Variants in MMD observed in about 807,000 individuals in gnomAD.
MMD encodes monocyte to macrophage differentiation factor.
A neutral mutation model predicts 33.6 loss-of-function variants in MMD; 22 were observed. That is an observed-to-expected ratio of 0.66 (90% CI 0.47 to 0.94). The LOEUF (loss-of-function observed/expected upper bound fraction) is 0.94, where lower values mean the gene tolerates loss of function less well. Among genes scored for constraint, MMD ranks in the 40% least tolerant of loss-of-function variants. MMD has a pLI of 0.00. For synonymous variants in MMD, 97 were observed against 103.2 expected (o/e 0.94, Z 0.36); for missense variants, 242 against 309.8 (o/e 0.78, Z 1.64).
chr17:55,421,789 G>T lies in MMD; in HGVS notation c.-94C>A. 7.2e-7 allele frequency: 1 copy of T among 1,389,800 alleles called. No homozygotes were observed. Among genetic ancestry groups the T allele is most frequent in the Non-Finnish European group, 9.6e-7 (1 of 1,044,178 alleles). 86.1% of individuals were successfully genotyped at this position (1,389,800 alleles called of 1,614,324 possible). The stretch of plus-strand genomic sequence containing the variant: ...CTCATGGGCTTGGGCTGCTCCGGAG[G>T]CCGCCTGCGTGTCCAGCGGAACCCT... On this transcript the variant is annotated 5_prime_UTR_variant, in exon 1 of 7. Transcript: ENST00000262065.
intron 6 of MMD, among the ~76,000 whole-genome samples, chr17:55,397,289 G>A (rs1299363485): frequency 4.6e-5 from 7 of 151,614 alleles, no homozygotes; most frequent in Non-Finnish European, 7.4e-5. Context: ...AGCCTCCCAA[G>A]TAGCTGGGAC....
intron 1 of MMD, among the ~76,000 whole-genome samples, chr17:55,417,420 A>G (rs2143161726): frequency 6.6e-6 from 1 of 152,136 alleles, no homozygotes; most frequent in East Asian, 1.9e-4. Flanking sequence ...GTACAAATAC[A>G]AAGTCTCTTA....
intron 4 of MMD, among the ~76,000 whole-genome samples, chr17:55,404,207 T>C (rs776864279): frequency 6.6e-6 from 1 of 151,854 alleles, no homozygotes; most frequent in Non-Finnish European, 1.5e-5. Flanking sequence ...ATACAAAAAT[T>C]AGCCAGGTGT....
At chr17:55,416,723 AG>A (rs1432067567) in intron 1 of MMD, among the ~76,000 whole-genome samples, 2 of 152,192 alleles carry the variant, frequency 1.3e-5, no homozygotes, top group East Asian at 3.8e-4. Flanking sequence ...CCCCGAAAAA[AG>A]AATGGGAAAG....
At position 55,406,215 on chromosome 17, in the gene MMD, C is replaced by T. The variant is rs903201183; in HGVS notation, c.344+1531G>A. On this transcript the variant is annotated intron_variant, in intron 4 of 6. Coordinates refer to ENST00000262065, the MANE Select transcript of MMD (RefSeq NM_012329.3). ...TTTGAGACCAGCCTGGGTAACATGG[C>T]GAAACCTCGTCTCTACTAAAAATAG... 3.3e-5 allele frequency among the ~76,000 whole-genome samples: 5 copies of T among 151,746 alleles called. No individual in the cohort carries two copies. The South Asian group carries it at 6.2e-4, about 19-fold the overall frequency.
chr17:55,411,449 T>C (rs1907760711), intron 2 of MMD, 32 bp from the exon 3 acceptor site: 2 of 1,579,290 alleles, frequency 1.3e-6, no homozygotes, highest in Admixed American at 3.8e-5. Context: ...GTGAATGGAA[T>C]ATTCTGGCTT....
At chr17:55,395,204 C>T (rs751319148) in intron 6 of MMD, among the ~76,000 whole-genome samples, 1 of 152,146 alleles carries the variant, frequency 6.6e-6, no homozygotes, top group Non-Finnish European at 1.5e-5. Context: ...TGTCTTAGGG[C>T]AGAAGGGAGA....
intron 6 of MMD, among the ~76,000 whole-genome samples, chr17:55,399,732 A>C (rs763030408): frequency 1.8e-4 from 28 of 152,208 alleles, no homozygotes; most frequent in Non-Finnish European, 4.0e-4. Flanking sequence ...AAATTTCATG[A>C]TCTCTTTTTC....
intron 6 of MMD, among the ~76,000 whole-genome samples, chr17:55,396,408 G>A (rs1420420621): frequency 6.6e-6 from 1 of 151,986 alleles, no homozygotes; most frequent in Admixed American, 6.6e-5. Flanking sequence ...TTATATATGA[G>A]GTACCTAATT....
chr17:55,414,617 A>C (rs1907901172), intron 1 of MMD, among the ~76,000 whole-genome samples: 1 of 151,784 alleles, frequency 6.6e-6, no homozygotes, highest in Admixed American at 6.6e-5. Flanking sequence ...CTAGAAAAAA[A>C]AAACGAATTT....
At position 55,414,245 on chromosome 17, in the gene MMD, A is replaced by G; in HGVS notation, c.27-13T>C. 6.2e-7 allele frequency: 1 copy of G among 1,613,232 alleles called. No individual in the cohort carries two copies. Among genetic ancestry groups the G allele is most frequent in the Non-Finnish European group, 8.5e-7 (1 of 1,179,346 alleles). On this transcript the variant is annotated splice_polypyrimidine_tract_variant and intron_variant, in intron 1 of 6. Transcript: ENST00000262065. ...ATGGTTCATGAACCTGTAAAAACAA[A>G]AAGAACACATGTAAGAAAAACTCAA...
At chr17:55,394,789 CT>C (rs1433145885) in intron 6 of MMD, among the ~76,000 whole-genome samples, 1 of 152,250 alleles carries the variant, frequency 6.6e-6, no homozygotes, top group African/African-American at 2.4e-5. Flanking sequence ...GCAGAACATT[CT>C]GCTCATTTAC....
chr17:55,410,295 G>A (rs1458665022), intron 3 of MMD, among the ~76,000 whole-genome samples: 2 of 152,152 alleles, frequency 1.3e-5, no homozygotes, highest in African/African-American at 4.8e-5. Flanking sequence ...CTTGTAAAAG[G>A]AGCATATATT....
chr17:55,416,293 G>A (rs1351642200), intron 1 of MMD, among the ~76,000 whole-genome samples: 1 of 152,190 alleles, frequency 6.6e-6, no homozygotes, highest in African/African-American at 2.4e-5. Flanking sequence ...CAGCAACAGG[G>A]ATAGACTTTC....
chr17:55,414,020 T>A, intron 2 of MMD, 131 bp downstream of exon 2: 1 of 835,478 alleles, frequency 1.2e-6, no homozygotes, highest in South Asian at 1.5e-5. Context: ...GACCCAGAAC[T>A]GATTTCCTGG....
intron 1 of MMD, among the ~76,000 whole-genome samples, 188 bp downstream of exon 1, chr17:55,421,482 A>G (rs1227828973): frequency 6.6e-6 from 1 of 152,214 alleles, no homozygotes; most frequent in Non-Finnish European, 1.5e-5. Flanking sequence ...AGGAGCTCCC[A>G]TCCTTGGAGG....
chr17:55,396,228 A>G (rs188309545), intron 6 of MMD, among the ~76,000 whole-genome samples: 4 of 152,288 alleles, frequency 2.6e-5, no homozygotes, highest in African/African-American at 9.6e-5. Flanking sequence ...TATTGTAACT[A>G]TGTGCCAGGC....
intron 4 of MMD, among the ~76,000 whole-genome samples, chr17:55,405,943 A>T (rs1043544021): frequency 5.3e-5 from 8 of 152,248 alleles, no homozygotes; most frequent in Non-Finnish European, 1.0e-4. Context: ...GCAACAAAAG[A>T]TTATATTTGA....
At position 55,416,579 on chromosome 17, in the gene MMD, T is replaced by C. The variant is rs150020190; in HGVS notation, c.27-2347A>G. 8.1e-3 allele frequency among the ~76,000 whole-genome samples: 1,227 copies of C among 152,230 alleles called. 54 individuals carry two copies. Among genetic ancestry groups the C allele is most frequent in the Admixed American group, 0.07 (1,069 of 15,278 alleles). On this transcript the variant is annotated intron_variant, in intron 1 of 6. Coordinates refer to ENST00000262065, the MANE Select transcript of MMD (RefSeq NM_012329.3). ...CTGCTGGGAAAGTACAATACAATTTTCCCATTTCTCTCTAACCTGCCAGGG... is the reference window on the plus strand; with the variant it reads ...CTGCTGGGAAAGTACAATACAATTTCCCCATTTCTCTCTAACCTGCCAGGG...
Sources: gnomAD v4.1 joint callset for allele counts (sites outside exome capture counted in the v4.1 genomes callset) on GRCh38, gnomAD v4.1.1 for gene constraint, MANE v1.5 for transcripts, NCBI Gene and HGNC (gene_info 2026-07-23, HGNC 2026-07-21) for gene names.